TTN: variants seen among roughly 807,000 people sequenced by gnomAD.
TTN encodes the protein titin.
A neutral mutation model predicts 3,223.0 loss-of-function variants in TTN; 1,525 were observed. The ratio of observed to expected loss-of-function variants is 0.47; its 90% CI spans 0.45 to 0.49. TTN has a LOEUF of 0.49. Ranked by LOEUF, TTN falls within the 20% of genes least tolerant of loss-of-function variation. TTN has a pLI of 0.00. For missense variants in TTN, 40,786 were observed against 43,424.0 expected, an observed-to-expected ratio of 0.94 and a Z score of 5.40; for synonymous variants, 14,094 against 15,161.0, an observed-to-expected ratio of 0.93 and a Z score of 5.17.
chr2:178,549,045 A>G lies in TTN; in HGVS notation c.92581T>C (p.Cys30861Arg), dbSNP rs2154147860. The part of the protein sequence containing the change: ...MEIIGYIIEM[C>R]KADLGDWHKV... ...TGCCAGTCTCCTAAGTCGGCCTTAC[A>G]CATTTCAATAATATACCCAATTATT... The change falls in exon 339 of 363, where the codon TGT (cysteine) becomes CGT (arginine). Residue 30861 changes from cysteine to arginine, a missense_variant. Cys to Arg is a radical substitution (Grantham distance 180). Coordinates refer to ENST00000589042, the MANE Select transcript of TTN (RefSeq NM_001267550.2). The G allele has an allele frequency of 6.2e-7, 1 of 1,613,894 alleles. No individual in the cohort carries two copies. The highest frequency in any genetic ancestry group is 8.5e-7 in the Non-Finnish European group (1 of 1,179,838).
Position 178,732,322 on chromosome 2 carries a change from T to G in TTN, c.16647A>C (p.Leu5549Phe). The G allele has an allele frequency of 6.2e-7, 1 of 1,605,300 alleles. No homozygotes were observed. The highest frequency in any genetic ancestry group is 1.1e-5 in the South Asian group (1 of 89,808). The change falls in exon 57 of 363, where the codon TTA (leucine) becomes TTC (phenylalanine). Residue 5549 changes from leucine (L) to phenylalanine (F), a missense_variant. Physicochemically the swap from Leu to Phe is conservative, Grantham distance 22. Transcript: ENST00000589042. ...CCTTCTTTAACAGCTGTGATGGCTCTAACTTTTCAACAAATGTGGCAGGTT... is the reference window on the plus strand; with the variant it reads ...CCTTCTTTAACAGCTGTGATGGCTCGAACTTTTCAACAAATGTGGCAGGTT... ...VKEPATFVEKLEPSQLLKKGD... is the reference protein window; with the variant it reads ...VKEPATFVEKFEPSQLLKKGD...
Position 178,649,540 on chromosome 2 carries a change from G to A in TTN, c.39973+14C>T, listed in dbSNP as rs995670788. 20 of 1,546,940 alleles carry A rather than the reference G, an allele frequency of 1.3e-5. No homozygotes were observed. Among genetic ancestry groups the A allele is most frequent in the African/African-American group, 2.7e-5 (2 of 72,866 alleles). On this transcript the variant is annotated intron_variant, in intron 212 of 362. Transcript: ENST00000589042. ...ATACTTTCTTTTTTATGATGCCAAC[G>A]ATGAAGTGAATACCTTTAGCTGCTG...
At chr2:178,614,019 C>CTTTTTTTTT in intron 262 of TTN, 33 bp downstream of exon 262, 1 of 1,468,172 alleles carries the variant, frequency 6.8e-7, no homozygotes, top group Non-Finnish European at 9.3e-7. Flanking sequence ...CATAAGCATC[C>CTTTTTTTTT]TTTTTTTTTT....
In TTN at chr2:178,591,703, C is replaced by A; in HGVS notation, c.60116G>T (p.Gly20039Val). The change falls in exon 303 of 363, where the codon GGA becomes GTA. Residue 20039 changes from glycine (G) to valine (V), a missense_variant. Transcript: ENST00000589042. Reference sequence around the variant, plus strand: ...TCTATAGGTCTTTCCTTGTTGTAGTCCAGTAACCACACACTCTAAGTTTGT... The same window carrying A: ...TCTATAGGTCTTTCCTTGTTGTAGTACAGTAACCACACACTCTAAGTTTGT... ...TVTNLECVVT[G>V]LQQGKTYRFR... 6.2e-7 allele frequency: 1 copy of A among 1,613,370 alleles called. No individual in the cohort carries two copies. The highest frequency in any genetic ancestry group is 8.5e-7 in the Non-Finnish European group (1 of 1,179,556).
chr2:178,752,775 G>A (rs1182400073), intron 47 of TTN, among the ~76,000 whole-genome samples: 2 of 152,022 alleles, frequency 1.3e-5, no homozygotes, highest in African/African-American at 4.8e-5. Flanking sequence ...TATTTTCAAT[G>A]TAATTCACCG....
rs779464128 is a variant in TTN at position 178,531,224 on chromosome 2, T to C, written c.105391A>G (p.Ile35131Val). ...GTCATGGACCGTGGCTTTGTTAGAA[T>C]TCTTGCTGCCAAAGTCGTCTTGATC... The part of the protein sequence containing the change: ...RKIKTTLAAR[I>V]LTKPRSMTVY... Residue 35131 changes from isoleucine to valine, a missense_variant, in exon 358 of 363, where the codon ATT becomes GTT. Transcript: ENST00000589042. 3.5e-5 allele frequency: 56 copies of C among 1,613,866 alleles called. No individual in the cohort carries two copies. The highest frequency in any genetic ancestry group is 4.5e-5 in the Non-Finnish European group (53 of 1,179,884).
chr2:178,718,334 C>A lies in TTN; in HGVS notation c.24772G>T (p.Val8258Leu). 6.2e-7 allele frequency: 1 copy of A among 1,613,280 alleles called. No homozygotes were observed. Among genetic ancestry groups the A allele is most frequent in the East Asian group, 2.2e-5 (1 of 44,862 alleles). Residue 8258 changes from valine to leucine, a missense_variant, in exon 85 of 363, where the codon GTG becomes TTG. By Grantham distance (32) the Val-to-Leu change is conservative. Coordinates refer to ENST00000589042, the MANE Select transcript of TTN (RefSeq NM_001267550.2). Reference protein sequence around the residue: ...EAGQDICEALVSVLEPPYFIE... With the variant: ...EAGQDICEALLSVLEPPYFIE... ...GCTGTCAACACACCTAAGACAGACA[C>A]CAGAGCTTCACAGATATCTTGACCA...
chr2:178,729,288 C>T lies in TTN; in HGVS notation c.18868G>A (p.Glu6290Lys), dbSNP rs267599064. 6.3e-7 allele frequency: 1 copy of T among 1,588,298 alleles called. No homozygotes were observed. Among genetic ancestry groups the T allele is most frequent in the South Asian group, 1.1e-5 (1 of 87,364 alleles). Reference protein sequence around the residue: ...CSCSTRVALKEPPSFIKKIEN... With the variant: ...CSCSTRVALKKPPSFIKKIEN... ...ATAGGCTGCTTCTTGTATAACTGAC[C>T]TTTCAGGGCAACTCTAGTACTGCAT... The change falls in exon 64 of 363, where the codon GAA (glutamate) becomes AAA (lysine). Residue 6290 changes from glutamate (E) to lysine (K), a missense_variant and splice_region_variant. Coordinates refer to ENST00000589042, the MANE Select transcript of TTN (RefSeq NM_001267550.2).
Position 178,527,256 on chromosome 2 carries a change from C to A in TTN, c.107732G>T (p.Gly35911Val), listed in dbSNP as rs1194972445. The A allele has an allele frequency of 6.2e-7, 1 of 1,612,474 alleles. No individual in the cohort carries two copies. ...ALPSDISIDE[G>V]KVLTVACAFT... is the part of the protein sequence containing the mutation. Reference sequence around the variant, plus strand: ...AGCACAGGCTACTGTTAGAACTTTGCCTTCATCAATGCTGATATCAGATGG... The same window carrying A: ...AGCACAGGCTACTGTTAGAACTTTGACTTCATCAATGCTGATATCAGATGG... Residue 35911 changes from glycine to valine, a missense_variant, in exon 363 of 363, where the codon GGC (glycine) becomes GTC (valine). Gly to Val is a moderately radical substitution (Grantham distance 109). Transcript: ENST00000589042.
rs1560511350 is a variant in TTN at position 178,704,144 on chromosome 2, C to T, written c.30223+3G>A. The T allele has an allele frequency of 1.9e-6, 3 of 1,613,380 alleles. No homozygotes were observed. Among genetic ancestry groups the T allele is most frequent in the South Asian group, 2.2e-5 (2 of 91,060 alleles). On this transcript the variant is annotated splice_donor_region_variant and intron_variant, in intron 106 of 362. Coordinates refer to ENST00000589042, the MANE Select transcript of TTN (RefSeq NM_001267550.2). ...CACAAGGACTCCATAGTGTTTCACG[C>T]ACCTTCGATTCTGAGTTCTGCTGAA...
chr2:178,533,225 T>A lies in TTN; in HGVS notation c.103390A>T (p.Lys34464Ter). 1 of 1,613,950 alleles carries A rather than the reference T, an allele frequency of 6.2e-7. No homozygotes were observed. Residue 34464 changes from lysine (K) to a stop codon, truncating the protein, a stop_gained, in exon 358 of 363, where the codon AAG (lysine) becomes TAG (stop). Transcript: ENST00000589042. LOFTEE classifies it high-confidence loss of function. ...ERLRYKKQEFKSKEEHERHVQ... is the reference protein window; with the variant it reads ...ERLRYKKQEF Reference sequence around the variant, plus strand: ...TGTCGCTCATGCTCCTCCTTACTCTTGAATTCCTGTTTCTTGTACCTCAGG... The same window carrying A: ...TGTCGCTCATGCTCCTCCTTACTCTAGAATTCCTGTTTCTTGTACCTCAGG...
In TTN at chr2:178,531,722, C is replaced by T; in HGVS notation, c.104893G>A (p.Val34965Ile). ...CGQNTRFILN[V>I]QSKPTAEVKW... ...ACCTCGGCAGTTGGCTTAGACTGAA[C>T]ATTTAAAATAAAACGTGTATTTTGG... is the stretch of plus-strand genomic sequence containing the variant. The change falls in exon 358 of 363, where the codon GTT (valine) becomes ATT (isoleucine). Residue 34965 changes from valine to isoleucine, a missense_variant. By Grantham distance (29) the Val-to-Ile change is conservative (BLOSUM62 3). Coordinates refer to ENST00000589042, the MANE Select transcript of TTN (RefSeq NM_001267550.2). 1.2e-6 allele frequency: 2 copies of T among 1,613,990 alleles called. No homozygotes were observed. Among genetic ancestry groups the T allele is most frequent in the Non-Finnish European group, 1.7e-6 (2 of 1,179,880 alleles).
chr2:178,689,670 A>C, intron 122 of TTN, 75 bp from the exon 123 acceptor site: 1 of 1,473,012 alleles, frequency 6.8e-7, no homozygotes, highest in Non-Finnish European at 9.2e-7. Flanking sequence ...TTAAGAAAGC[A>C]GACGGGTGGA....
chr2:178,533,303 C>T lies in TTN; in HGVS notation c.103312G>A (p.Ala34438Thr). 1 of 1,613,928 alleles carries T rather than the reference C, an allele frequency of 6.2e-7. No individual in the cohort carries two copies. Among genetic ancestry groups the T allele is most frequent in the South Asian group, 1.1e-5 (1 of 91,086 alleles). Reference sequence around the variant, plus strand: ...CTGGTGGACCCAGCTGTGTTAGTGGCTGTGACTCTATAATAACCCGTGTCT... The same window carrying T: ...CTGGTGGACCCAGCTGTGTTAGTGGTTGTGACTCTATAATAACCCGTGTCT... ...PEDTGYYRVT[A>T]TNTAGSTSCQ... Residue 34438 changes from alanine (A) to threonine (T), a missense_variant, in exon 358 of 363, where the codon GCC becomes ACC. Transcript: ENST00000589042.
In TTN at chr2:178,608,372, T is replaced by C. The variant is rs1343011962; in HGVS notation, c.52511A>G (p.Tyr17504Cys). ...PKDNGSPILG[Y>C]WLEKREVNST... is the part of the protein sequence containing the mutation. ...GTTAACTTCACGTTTTTCAAGCCAG[T>C]AACCCAAAATGGGGCTTCCATTATC... is the stretch of plus-strand genomic sequence containing the variant. The change falls in exon 275 of 363, where the codon TAC becomes TGC. Residue 17504 changes from tyrosine (Y) to cysteine (C), a missense_variant. By Grantham distance (194) the Tyr-to-Cys change is radical (BLOSUM62 -2). Transcript: ENST00000589042. 1 of 1,611,954 alleles carries C rather than the reference T, an allele frequency of 6.2e-7. No homozygotes were observed. The highest frequency in any genetic ancestry group is 1.1e-5 in the South Asian group (1 of 90,858).
In TTN at chr2:178,569,185, A is replaced by G; in HGVS notation, c.76947T>C (p.Ala25649=). ...EKREATRKSY[A]AVVTNCHKNS... ...TCTTATGGCAGTTAGTTACAACAGCAGCATATGATTTTCTTGTGGCTTCAC... is the reference window on the plus strand; with the variant it reads ...TCTTATGGCAGTTAGTTACAACAGCGGCATATGATTTTCTTGTGGCTTCAC... Residue 25649 remains alanine, a synonymous_variant, in exon 326 of 363, where the codon GCT becomes GCC. Coordinates refer to ENST00000589042, the MANE Select transcript of TTN (RefSeq NM_001267550.2). 1 of 1,611,254 alleles carries G rather than the reference A, an allele frequency of 6.2e-7. No individual in the cohort carries two copies. Among genetic ancestry groups the G allele is most frequent in the South Asian group, 1.1e-5 (1 of 90,362 alleles).
chr2:178,604,764 T>C lies in TTN; in HGVS notation c.54325A>G (p.Arg18109Gly). The C allele has an allele frequency of 6.2e-7, 1 of 1,612,348 alleles. No individual in the cohort carries two copies. The highest frequency in any genetic ancestry group is 1.1e-5 in the South Asian group (1 of 90,906). ...HYVIDKRDAS[R>G]KKAEWEEVTN... ...ACTTCCTCCCATTCTGCTTTCTTCC[T>C]ACTTGCATCACGTTTGTCAATAACA... Residue 18109 changes from arginine to glycine, a missense_variant, in exon 281 of 363, where the codon AGG becomes GGG. Physicochemically the swap from Arg to Gly is moderately radical, Grantham distance 125. Transcript: ENST00000589042.
In TTN at chr2:178,735,864, T is replaced by C. The variant is rs566100734; in HGVS notation, c.14582A>G (p.Asp4861Gly). ...AGCCTTACAAGAATAAACTCCTCTA[T>C]CTTGAATGGTAAGGTTTGAGAGTTC... ...ILELSNLTIQ[D>G]RGVYSCKASN... is the part of the protein sequence containing the mutation. The change falls in exon 50 of 363, where the codon GAT becomes GGT. Residue 4861 changes from aspartate to glycine, a missense_variant. Asp to Gly is a moderately conservative substitution (Grantham distance 94). Transcript: ENST00000589042. 1 of 1,613,896 alleles carries C rather than the reference T, an allele frequency of 6.2e-7. No homozygotes were observed. The highest frequency in any genetic ancestry group is 8.5e-7 in the Non-Finnish European group (1 of 1,179,830).
In TTN at chr2:178,733,764, T is replaced by G. The variant is rs1392727449; in HGVS notation, c.15625A>C (p.Arg5209=). The change falls in exon 53 of 363, where the codon AGA becomes CGA. Residue 5209 remains arginine (R), a synonymous_variant. Coordinates refer to ENST00000589042, the MANE Select transcript of TTN (RefSeq NM_001267550.2). ...VTWMKGQEVI[R]EDGKIKMSFS... The stretch of plus-strand genomic sequence containing the variant: ...CTCATTTTGATTTTTCCGTCTTCTC[T>G]GATGACCTCTTGACCTTTCATCCAT... 1.2e-6 allele frequency: 2 copies of G among 1,613,768 alleles called. No homozygotes were observed. The highest frequency in any genetic ancestry group is 1.7e-6 in the Non-Finnish European group (2 of 1,179,800).
Sources: allele counts gnomAD v4.1 joint callset (sites outside exome capture counted in the v4.1 genomes callset), GRCh38; gene constraint gnomAD v4.1.1; transcripts MANE v1.5; gene names NCBI Gene and HGNC (gene_info 2026-07-23, HGNC 2026-07-21).